Variants in GSE1 observed in about 807,000 individuals in gnomAD.
GSE1 encodes genetic suppressor element 1.
A neutral mutation model predicts 112.6 loss-of-function variants in GSE1; 32 were observed. The ratio of observed to expected loss-of-function variants is 0.28; its 90% confidence interval spans 0.21 to 0.38. GSE1 has a LOEUF of 0.38. GSE1 is among the 10% of genes least tolerant of loss of function. The pLI, the probability that GSE1 is intolerant of heterozygous loss-of-function variation, is 1.00. For missense variants in GSE1, 2,348 were observed against 1,699.2 expected, an observed-to-expected ratio of 1.38 and a Z score of -6.71; for synonymous variants, 1,115 against 735.6, an observed-to-expected ratio of 1.52 and a Z score of -8.35.
At chr16:85,501,094 G>A (rs1002023315) in intron 2 of GSE1, among the ~76,000 whole-genome samples, 1 of 126,908 alleles carries the variant, frequency 7.9e-6, no homozygotes, top group Non-Finnish European at 1.6e-5. Context: ...TCCGCCTCCC[G>A]GGTGCACACC....
At chr16:85,193,094 T>C (rs1429492017) in intron 1 of GSE1, among the ~76,000 whole-genome samples, 3 of 152,174 alleles carry the variant, frequency 2.0e-5, no homozygotes, top group Non-Finnish European at 4.4e-5. Flanking sequence ...GGTTACAGTG[T>C]ACCCAGCCAT....
chr16:85,569,581 T>A (rs1433117469), intron 1 of GSE1, among the ~76,000 whole-genome samples: 1 of 152,218 alleles, frequency 6.6e-6, no homozygotes, highest in East Asian at 1.9e-4. Flanking sequence ...TTGCTCTTGG[T>A]ATTATCGTCT....
chr16:85,257,677 G>A (rs985941250), intron 1 of GSE1, among the ~76,000 whole-genome samples: 2 of 152,192 alleles, frequency 1.3e-5, no homozygotes, highest in African/African-American at 4.8e-5. Context: ...AGGACGTGGT[G>A]GTGCGCACCT....
intron 1 of GSE1, among the ~76,000 whole-genome samples, chr16:85,571,020 T>G (rs1164244587): frequency 6.6e-6 from 1 of 151,908 alleles, no homozygotes; most frequent in Non-Finnish European, 1.5e-5. Context: ...AAAGGGAAGG[T>G]GGGGGAGGTG....
Position 85,655,550 on chromosome 16 carries a change from C to T in GSE1, c.798-176C>T, listed in dbSNP as rs538027027. On this transcript the variant is annotated intron_variant, in intron 5 of 15. Transcript: ENST00000253458. ...ACCCCAAGCTGTCGGCACCTAGCAG[C>T]CTCCGGCATCAAGGGGCTTTGGGGC... 2.6e-3 allele frequency among the ~76,000 whole-genome samples: 389 copies of T among 152,348 alleles called. 3 individuals carry two copies. Among genetic ancestry groups the T allele is most frequent in the African/African-American group, 9.1e-3 (379 of 41,578 alleles).
chr16:85,460,356 G>A (rs932346107), intron 2 of GSE1, among the ~76,000 whole-genome samples: 1 of 152,176 alleles, frequency 6.6e-6, no homozygotes, highest in East Asian at 1.9e-4. Context: ...GCCCAGCCTG[G>A]TATTTTCTTA....
intron 1 of GSE1, among the ~76,000 whole-genome samples, chr16:85,623,913 T>TATAC (rs2048898894): frequency 6.6e-6 from 1 of 152,088 alleles, no homozygotes; most frequent in African/African-American, 2.4e-5. Context: ...TTCTTGGCTG[T>TATAC]AGACTAAGGG....
At chr16:85,519,703 TC>T (rs1401964404) in intron 2 of GSE1, among the ~76,000 whole-genome samples, 2 of 103,732 alleles carry the variant, frequency 1.9e-5, no homozygotes, top group Non-Finnish European at 4.1e-5. Context: ...CACCACAGTC[TC>T]CATCACTGTC....
At chr16:85,576,874 C>A (rs2046248397) in intron 1 of GSE1, among the ~76,000 whole-genome samples, 1 of 152,216 alleles carries the variant, frequency 6.6e-6, no homozygotes, top group Admixed American at 6.5e-5. Flanking sequence ...TGGGTCATCA[C>A]TGGGCTCTCA....
chr16:85,555,955 CTTTT>C, upstream of GSE1: 1 of 983,226 alleles, frequency 1.0e-6, no homozygotes, highest in Non-Finnish European at 1.2e-6. Context: ...CTCCCCCCTC[CTTTT>C]TTTTATTTGC....
At chr16:85,621,791 C>T (rs562068509) in intron 1 of GSE1, among the ~76,000 whole-genome samples, 1 of 152,294 alleles carries the variant, frequency 6.6e-6, no homozygotes, top group African/African-American at 2.4e-5. Flanking sequence ...TTCCTTCTGC[C>T]AGATTACCCT....
intron 1 of GSE1, among the ~76,000 whole-genome samples, chr16:85,186,138 C>T (rs184170718): frequency 1.8e-4 from 28 of 152,256 alleles, no homozygotes; most frequent in Non-Finnish European, 3.1e-4. Context: ...CTCCACCCAT[C>T]GTGAGATTTT....
At chr16:85,563,046 T>C (rs1264476736) in intron 1 of GSE1, among the ~76,000 whole-genome samples, 1 of 152,212 alleles carries the variant, frequency 6.6e-6, no homozygotes, top group East Asian at 1.9e-4. Flanking sequence ...CTGTCTGGGA[T>C]TGTCCCCTTT....
At chr16:85,215,257 G>A (rs921423257) in intron 1 of GSE1, among the ~76,000 whole-genome samples, 17 of 152,262 alleles carry the variant, frequency 1.1e-4, no homozygotes, top group Admixed American at 9.8e-4. Flanking sequence ...ATGGAGGTGC[G>A]AAATAATATC....
At chr16:85,172,216 G>T (rs1461090096) in intron 1 of GSE1, among the ~76,000 whole-genome samples, 2 of 152,198 alleles carry the variant, frequency 1.3e-5, no homozygotes, top group Non-Finnish European at 2.9e-5. Context: ...GTGCTCACCC[G>T]GTTTGAAACA....
rs543176113 is a variant in GSE1, at chr16:85,637,546, C to T, written c.226+3414C>T. 7.2e-5 allele frequency among the ~76,000 whole-genome samples: 11 copies of T among 152,252 alleles called. No homozygotes were observed. In the South Asian group the frequency reaches 1.0e-3, roughly 14 times the overall value. On this transcript the variant is annotated intron_variant, in intron 2 of 15. Transcript: ENST00000253458. Reference sequence around the variant, plus strand: ...TATGTATTGAGTCCCCCCTTGATCGCGGCAGTGGCTGTGTATCGAGCGCCT... The same window carrying T: ...TATGTATTGAGTCCCCCCTTGATCGTGGCAGTGGCTGTGTATCGAGCGCCT...
chr16:85,211,502 C>T (rs1231960071), intron 1 of GSE1, among the ~76,000 whole-genome samples: 3 of 152,168 alleles, frequency 2.0e-5, no homozygotes, highest in Non-Finnish European at 2.9e-5. Context: ...AAGTCACTGG[C>T]GGCGAGCCTC....
intron 2 of GSE1, among the ~76,000 whole-genome samples, chr16:85,409,440 G>A (rs36196621): frequency 1.3e-4 from 1 of 7,696 alleles, no homozygotes; most frequent in African/African-American, 3.8e-4. Flanking sequence ...TACACTCAGG[G>A]CCCCCCCGGA....
At chr16:85,500,998 G>GGT (rs2051341607) in intron 2 of GSE1, among the ~76,000 whole-genome samples, 1 of 64,826 alleles carries the variant, frequency 1.5e-5, no homozygotes, top group Admixed American at 2.5e-4. Flanking sequence ...GGCCTGTTCT[G>GGT]TTTTTTTTTT....
Sources: allele counts gnomAD v4.1 joint callset (sites outside exome capture counted in the v4.1 genomes callset), GRCh38; gene constraint gnomAD v4.1.1; transcripts MANE v1.5; gene names NCBI Gene and HGNC (gene_info 2026-07-23, HGNC 2026-07-21).